The following SOS2 variants were observed in gnomAD, a reference collection of about 807,000 sequenced individuals.
The protein encoded by SOS2 is son of sevenless homolog 2.
In SOS2, 65 loss-of-function variants were observed where a neutral mutation model predicts 148.2. That is an observed-to-expected ratio of 0.44 (90% confidence interval 0.36 to 0.54). SOS2 has a LOEUF of 0.54. SOS2 is among the 20% of genes least tolerant of loss of function. The probability of loss-of-function intolerance (pLI) is 0.00; values close to 1 mark genes in which losing one functional copy is unlikely to be tolerated. For missense variants in SOS2, 1,341 were observed against 1,590.2 expected, an observed-to-expected ratio of 0.84 and a Z score of 2.67; for synonymous variants, 539 against 537.1, an observed-to-expected ratio of 1.00 and a Z score of -0.05.
chr14:50,195,095 A>G (rs1375042341), intron 4 of SOS2, among the ~76,000 whole-genome samples: 4 of 152,192 alleles, frequency 2.6e-5, no homozygotes, highest in Non-Finnish European at 4.4e-5. Context: ...TCTTACAACA[A>G]TAACAAAAAA....
intron 4 of SOS2, among the ~76,000 whole-genome samples, chr14:50,197,653 G>A (rs1452908204): frequency 6.7e-6 from 1 of 149,636 alleles, no homozygotes; most frequent in African/African-American, 2.5e-5. Context: ...TGTGCCTATT[G>A]CCATGGCCTC....
chr14:50,136,578 T>C (rs1884087626), intron 18 of SOS2, among the ~76,000 whole-genome samples: 1 of 140,524 alleles, frequency 7.1e-6, no homozygotes, highest in Non-Finnish European at 1.5e-5. Flanking sequence ...TTATTTTTTT[T>C]AAGAGCAAGT....
intron 1 of SOS2, among the ~76,000 whole-genome samples, chr14:50,215,768 T>C (rs1415318207): frequency 3.3e-5 from 5 of 152,186 alleles, no homozygotes; most frequent in Non-Finnish European, 7.4e-5. Context: ...TATAAATCCA[T>C]GTGTAGACAC....
chr14:50,178,322 G>A (rs1031247444), intron 7 of SOS2, among the ~76,000 whole-genome samples: 2 of 152,114 alleles, frequency 1.3e-5, no homozygotes, highest in Admixed American at 6.5e-5. Flanking sequence ...CTTTGACCAT[G>A]TGAAGACGTG....
intron 7 of SOS2, among the ~76,000 whole-genome samples, chr14:50,177,995 G>A (rs548188126): frequency 1.5e-4 from 23 of 152,198 alleles, no homozygotes; most frequent in African/African-American, 5.3e-4. Context: ...AGTCACCCAA[G>A]GAGAGCACAG....
intron 1 of SOS2, among the ~76,000 whole-genome samples, chr14:50,227,038 G>T (rs1887399041): frequency 6.6e-6 from 1 of 152,090 alleles, no homozygotes; most frequent in Non-Finnish European, 1.5e-5. Flanking sequence ...ACATAATTTA[G>T]CAGTAATGTT....
At chr14:50,122,396 T>TTTTTTTTTTCTTTTTTTTTTC (rs1883545769) in intron 21 of SOS2, among the ~76,000 whole-genome samples, 1 of 142,514 alleles carries the variant, frequency 7.0e-6, no homozygotes, top group African/African-American at 2.7e-5. Flanking sequence ...CTGGGCTTTT[T>TTTTTTTTTTCTTTTTTTTTTC]TTTTTTTTTT....
intron 8 of SOS2, among the ~76,000 whole-genome samples, chr14:50,165,521 C>T (rs1885138729): frequency 6.6e-6 from 1 of 152,180 alleles, no homozygotes; most frequent in Non-Finnish European, 1.5e-5. Context: ...TTTCTGCCTT[C>T]CCTAAGCAGA....
In SOS2 at chr14:50,118,311, C is replaced by A; in HGVS notation, c.*33G>T. 3 of 1,510,056 alleles carry A rather than the reference C, an allele frequency of 2.0e-6. No individual in the cohort carries two copies. Among genetic ancestry groups the A allele is most frequent in the Non-Finnish European group, 2.7e-6 (3 of 1,120,652 alleles). 93.5% of individuals were successfully genotyped at this position (1,510,056 alleles called of 1,614,324 possible). A position where few individuals can be genotyped will look rare whatever the true frequency, so the allele number is the denominator to read the frequency against. The stretch of plus-strand genomic sequence containing the variant: ...ATTAAAAAAAAAACTTTACAAATAC[C>A]ATTCCAGTGTCAATGACTACATATG... On this transcript the variant is annotated 3_prime_UTR_variant, in exon 23 of 23. Transcript: ENST00000216373.
At chr14:50,221,450 T>A (rs1403128923) in intron 1 of SOS2, among the ~76,000 whole-genome samples, 1 of 152,204 alleles carries the variant, frequency 6.6e-6, no homozygotes, top group African/African-American at 2.4e-5. Context: ...GTTTTCACAG[T>A]TGCCCTCTCA....
chr14:50,166,198 A>T (rs892872960), intron 8 of SOS2, among the ~76,000 whole-genome samples: 4 of 152,204 alleles, frequency 2.6e-5, no homozygotes, highest in African/African-American at 9.6e-5. Flanking sequence ...ATTAAAAATA[A>T]AAGTGATTGT....
At chr14:50,229,314 T>G (rs1420958074) in intron 1 of SOS2, among the ~76,000 whole-genome samples, 1 of 152,172 alleles carries the variant, frequency 6.6e-6, no homozygotes, top group African/African-American at 2.4e-5. Flanking sequence ...TTTTCTGAAT[T>G]CACCTCAAAA....
intron 1 of SOS2, among the ~76,000 whole-genome samples, chr14:50,227,168 A>C (rs1887402260): frequency 1.3e-5 from 2 of 152,138 alleles, no homozygotes; most frequent in South Asian, 2.1e-4. Flanking sequence ...AAGCTAAAGA[A>C]CACCACATTT....
At chr14:50,193,429 A>G (rs529461497) in intron 4 of SOS2, among the ~76,000 whole-genome samples, 2 of 152,280 alleles carry the variant, frequency 1.3e-5, no homozygotes, top group South Asian at 4.1e-4. Flanking sequence ...GTAGTAACTT[A>G]TATACTAGAA....
intron 4 of SOS2, among the ~76,000 whole-genome samples, chr14:50,190,867 G>T (rs1886109256): frequency 6.6e-6 from 1 of 152,056 alleles, no homozygotes. Context: ...AACCAGTAAG[G>T]CTACACAGGG....
intron 1 of SOS2, among the ~76,000 whole-genome samples, chr14:50,207,196 C>G (rs1026056439): frequency 1.3e-5 from 2 of 152,014 alleles, no homozygotes; most frequent in Non-Finnish European, 2.9e-5. Flanking sequence ...TATATAAAAA[C>G]TCAAAAAGAA....
chr14:50,216,352 C>T (rs1462782864), intron 1 of SOS2, among the ~76,000 whole-genome samples: 1 of 152,150 alleles, frequency 6.6e-6, no homozygotes, highest in South Asian at 2.1e-4. Context: ...CTGCCTCAGC[C>T]TCCCAAAGTG....
chr14:50,195,905 T>C (rs772380393), intron 4 of SOS2, among the ~76,000 whole-genome samples: 7 of 152,132 alleles, frequency 4.6e-5, no homozygotes, highest in African/African-American at 7.2e-5. Flanking sequence ...TGGGCACTTG[T>C]AGTTCCAGCT....
intron 21 of SOS2, among the ~76,000 whole-genome samples, chr14:50,122,461 G>A (rs1420570213): frequency 7.5e-6 from 1 of 133,270 alleles, no homozygotes; most frequent in Non-Finnish European, 1.5e-5. Flanking sequence ...AGGAACCCTG[G>A]TCTTTAATTA....
Sources: allele counts gnomAD v4.1 joint callset (sites outside exome capture counted in the v4.1 genomes callset), GRCh38; gene constraint gnomAD v4.1.1; transcripts MANE v1.5; gene names NCBI Gene and HGNC (gene_info 2026-07-23, HGNC 2026-07-21).